Variants in AVPI1 observed in about 807,000 individuals in gnomAD.
The protein encoded by AVPI1 is arginine vasopressin-induced protein 1.
A neutral mutation model predicts 11.9 loss-of-function variants in AVPI1; 9 were observed. That is an observed-to-expected ratio of 0.76 (90% CI 0.46 to 1.32). The LOEUF is 1.32. Among genes scored for constraint, AVPI1 ranks in the 40% most tolerant of loss-of-function variants. The pLI is 0.00. For missense variants in AVPI1, 207 were observed against 195.8 expected, an observed-to-expected ratio of 1.06 and a Z score of -0.34; for synonymous variants, 68 against 78.1, an observed-to-expected ratio of 0.87 and a Z score of 0.68.
chr10:97,681,894 GAA>G (rs555725587), intron 1 of AVPI1, among the ~76,000 whole-genome samples: 17 of 106,286 alleles, frequency 1.6e-4, no homozygotes, highest in Admixed American at 5.4e-4. Flanking sequence ...CAAAAAAAAA[GAA>G]AAAAAAAAAA....
intron 2 of AVPI1, 27 bp downstream of exon 2, chr10:97,679,592 C>A: frequency 6.3e-7 from 1 of 1,587,508 alleles, no homozygotes. Context: ...GTGCTCTTCC[C>A]TCAGCCATCC....
chr10:97,679,642 C>T lies in AVPI1; in HGVS notation c.264G>A (p.Ser88=), dbSNP rs757707566. 9 of 1,612,946 alleles carry T rather than the reference C, an allele frequency of 5.6e-6. No individual in the cohort carries two copies. Among genetic ancestry groups the T allele is most frequent in the Non-Finnish European group, 4.2e-6 (5 of 1,179,514 alleles). ...ACCTGAGGCGGCTGCAGTGGTGTAGCGAGTGGCCCAGGGGTTTCTGCCTTG... is the reference window on the plus strand; with the variant it reads ...ACCTGAGGCGGCTGCAGTGGTGTAGTGAGTGGCCCAGGGGTTTCTGCCTTG... ...RPPRQKPLGH[S]LHHCSRLRIL... is the part of the protein sequence containing the mutation. The change falls in exon 2 of 3, where the codon TCG becomes TCA. Residue 88 remains serine (S), a synonymous_variant. Coordinates refer to ENST00000370626, the MANE Select transcript of AVPI1 (RefSeq NM_021732.3).
At chr10:97,681,704 C>A (rs1589943936) in intron 1 of AVPI1, among the ~76,000 whole-genome samples, 2 of 146,414 alleles carry the variant, frequency 1.4e-5, no homozygotes, top group Admixed American at 1.4e-4. Flanking sequence ...GGTGAAACCC[C>A]GTCTCTACTA....
At chr10:97,683,635 G>A (rs2041715282) in intron 1 of AVPI1, among the ~76,000 whole-genome samples, 1 of 152,228 alleles carries the variant, frequency 6.6e-6, no homozygotes, top group Non-Finnish European at 1.5e-5. Flanking sequence ...TGGAGCTGTG[G>A]AATTTCGTTA....
intron 1 of AVPI1, among the ~76,000 whole-genome samples, chr10:97,685,409 C>A (rs1042495873): frequency 4.6e-5 from 7 of 152,212 alleles, no homozygotes; most frequent in African/African-American, 1.7e-4. Flanking sequence ...TCAGTTCAGA[C>A]AGCTATTCTA....
rs759661969 is a variant in AVPI1, at chr10:97,678,005, G to A, written c.308C>T (p.Ala103Val). ...SRLRILEPHS[A>V]LANPQSATET... ...TGTGGCACTCTGTGGGTTGGCCAGT[G>A]CAGAGTGGGGCTCCAGGATTCTGCA... Residue 103 changes from alanine (A) to valine (V), a missense_variant, in exon 3 of 3, where the codon GCA (alanine) becomes GTA (valine). Ala to Val is a moderately conservative substitution (Grantham distance 64). Coordinates refer to ENST00000370626, the MANE Select transcript of AVPI1 (RefSeq NM_021732.3). The A allele has an allele frequency of 6.2e-7, 1 of 1,614,136 alleles. No individual in the cohort carries two copies. Among genetic ancestry groups the A allele is most frequent in the Non-Finnish European group, 8.5e-7 (1 of 1,179,974 alleles).
intron 1 of AVPI1, among the ~76,000 whole-genome samples, chr10:97,685,339 A>C (rs1273455748): frequency 6.6e-6 from 1 of 152,240 alleles, no homozygotes; most frequent in Non-Finnish European, 1.5e-5. Context: ...CTCACCATGC[A>C]ATGAATTTGC....
intron 2 of AVPI1, among the ~76,000 whole-genome samples, chr10:97,678,902 T>C (rs1438627450): frequency 9.6e-4 from 5 of 5,198 alleles, no homozygotes; most frequent in African/African-American, 2.8e-3. Context: ...TGTGTGTGTG[T>C]GTGTGTGTGT....
At chr10:97,679,035 TG>T (rs1355568972) in intron 2 of AVPI1, among the ~76,000 whole-genome samples, 1 of 147,816 alleles carries the variant, frequency 6.8e-6, no homozygotes, top group Non-Finnish European at 1.5e-5. Context: ...TTGCCCAGGC[TG>T]GTAAGCTGAG....
Position 97,677,601 on chromosome 10 carries a change from T to C in AVPI1, c.*268A>G, listed in dbSNP as rs2041671963. Reference sequence around the variant, plus strand: ...GCCTGTCACTTTGCTCCCAGGGGAATATCATGCAGCCCAGGAATAGTGTTA... The same window carrying C: ...GCCTGTCACTTTGCTCCCAGGGGAACATCATGCAGCCCAGGAATAGTGTTA... On this transcript the variant is annotated 3_prime_UTR_variant, in exon 3 of 3. Transcript: ENST00000370626. 1 of 400,908 alleles carries C rather than the reference T, an allele frequency of 2.5e-6. No individual in the cohort carries two copies. The highest frequency in any genetic ancestry group is 2.0e-5 in the African/African-American group (1 of 49,456). The allele number at this position is 400,908 out of a possible 1,614,324, so 24.8% of individuals were successfully genotyped here.
At chr10:97,678,920 TGTGTGTGTGTGTGTGTGTGTGTGTGTG>T (rs2041683606) in intron 2 of AVPI1, among the ~76,000 whole-genome samples, 1 of 14,484 alleles carries the variant, frequency 6.9e-5, no homozygotes, top group East Asian at 1.5e-3. Context: ...TGTGTGTGTG[TGTGTGTGTGTGTGTGTGTGTGTGTGTG>T]TGTGTGTGTG....
intron 1 of AVPI1, among the ~76,000 whole-genome samples, chr10:97,680,501 A>G (rs1477701645): frequency 6.6e-6 from 1 of 152,200 alleles, no homozygotes; most frequent in African/African-American, 2.4e-5. Flanking sequence ...GCACAAAGGT[A>G]AGAGAGGAGT....
chr10:97,678,094 C>T lies in AVPI1; in HGVS notation c.288-69G>A, dbSNP rs146380012. 8.8e-5 allele frequency: 133 copies of T among 1,511,796 alleles called. 1 individual carries two copies. In the East Asian group the frequency reaches 2.2e-3, roughly 25 times the overall value. 93.6% of individuals were successfully genotyped at this position (1,511,796 alleles called of 1,614,324 possible). A position where few individuals can be genotyped will look rare whatever the true frequency, so the allele number is the denominator to read the frequency against. ...ATGGAATGGGGACTTCAAGAGATTT[C>T]GTCATGGTGGACCATAAAACATATG... On this transcript the variant is annotated intron_variant, in intron 2 of 2. Coordinates refer to ENST00000370626, the MANE Select transcript of AVPI1 (RefSeq NM_021732.3).
At chr10:97,679,963 C>G in intron 1 of AVPI1, 48 bp from the exon 2 acceptor site, 1 of 1,467,450 alleles carries the variant, frequency 6.8e-7, no homozygotes, top group Non-Finnish European at 9.0e-7. Flanking sequence ...TGGTCCTTCC[C>G]AGACCTGGGG....
At chr10:97,683,448 T>C (rs2041714480) in intron 1 of AVPI1, among the ~76,000 whole-genome samples, 1 of 152,212 alleles carries the variant, frequency 6.6e-6, no homozygotes. Flanking sequence ...TGTGAGCCAC[T>C]GCGCCCGGTC....
At chr10:97,679,422 G>A (rs113061241) in intron 2 of AVPI1, among the ~76,000 whole-genome samples, 197 bp downstream of exon 2, 4,493 of 152,130 alleles carry the variant, frequency 0.03, 238 homozygotes, top group African/African-American at 0.1. Context: ...GGATTACAGG[G>A]ATGAGCCACT....
rs1589945736 is a variant in AVPI1, at chr10:97,686,970, G to C, written c.-215C>G. On this transcript the variant is annotated 5_prime_UTR_variant, in exon 1 of 3. Transcript: ENST00000370626. ...TCCTAAGGCGACATCTGCAGCACGA[G>C]GAGGCCCCGGGACTCAGACGTGGCC... 6.6e-6 allele frequency: 1 copy of C among 152,380 alleles called. No homozygotes were observed. The highest frequency in any genetic ancestry group is 1.5e-5 in the Non-Finnish European group (1 of 68,156). The allele number at this position is 152,380 out of a possible 1,614,324, so 9.4% of individuals were successfully genotyped here.
At chr10:97,680,305 G>A in intron 1 of AVPI1, among the ~76,000 whole-genome samples, 1 of 152,154 alleles carries the variant, frequency 6.6e-6, no homozygotes, top group East Asian at 1.9e-4. Flanking sequence ...ACTTATACCA[G>A]GCACCTGTAA....
At chr10:97,682,590 C>T (rs1429853696) in intron 1 of AVPI1, among the ~76,000 whole-genome samples, 1 of 152,030 alleles carries the variant, frequency 6.6e-6, no homozygotes. Context: ...CACTCATACT[C>T]CCAAAATATG....
Sources: gnomAD v4.1 joint callset for allele counts (sites outside exome capture counted in the v4.1 genomes callset) on GRCh38, gnomAD v4.1.1 for gene constraint, MANE v1.5 for transcripts, NCBI Gene and HGNC (gene_info 2026-07-23, HGNC 2026-07-21) for gene names.